The following PATJ variants were observed in gnomAD, a reference collection of about 807,000 sequenced individuals.
PATJ encodes inaD-like protein.
In PATJ, 190 loss-of-function variants were observed where a neutral mutation model predicts 224.9. The observed-to-expected ratio is 0.84, with a 90% confidence interval of 0.75 to 0.95. PATJ has a LOEUF of 0.95. Ranked by LOEUF, PATJ falls within the 40% of genes least tolerant of loss-of-function variation. PATJ has a pLI of 0.00. For synonymous variants in PATJ, 769 were observed against 820.3 expected (o/e 0.94, Z 1.07); for missense variants, 2,121 against 2,270.3 (o/e 0.93, Z 1.34).
chr1:61,828,158 A>C (rs937274613), intron 16 of PATJ, among the ~76,000 whole-genome samples: 2 of 151,362 alleles, frequency 1.3e-5, no homozygotes, highest in African/African-American at 4.9e-5. Flanking sequence ...CAGGAAAATC[A>C]CTTGAAGCCG....
At chr1:62,065,258 G>A (rs551841876) in intron 31 of PATJ, among the ~76,000 whole-genome samples, 2 of 152,228 alleles carry the variant, frequency 1.3e-5, no homozygotes, top group African/African-American at 4.8e-5. Context: ...GGGTAACAGA[G>A]CAAGTAACCT....
At chr1:62,075,810 C>T (rs549728640) in intron 31 of PATJ, among the ~76,000 whole-genome samples, 3 of 151,232 alleles carry the variant, frequency 2.0e-5, no homozygotes, top group South Asian at 2.1e-4. Flanking sequence ...CCCAGCTACT[C>T]GGGAGGCTGA....
At chr1:62,087,217 C>A (rs1265941234) in intron 33 of PATJ, among the ~76,000 whole-genome samples, 2 of 151,888 alleles carry the variant, frequency 1.3e-5, no homozygotes, top group Non-Finnish European at 2.9e-5. Context: ...GAGGGGACAG[C>A]ACAGGCAGAG....
chr1:61,922,465 C>G (rs1001128886), intron 26 of PATJ, among the ~76,000 whole-genome samples: 1 of 152,200 alleles, frequency 6.6e-6, no homozygotes, highest in Admixed American at 6.5e-5. Context: ...CATTATTACT[C>G]TACCTCTATC....
chr1:61,898,083 AC>A (rs1459082555), intron 22 of PATJ, among the ~76,000 whole-genome samples: 3 of 152,108 alleles, frequency 2.0e-5, no homozygotes, highest in Non-Finnish European at 4.4e-5. Context: ...TATAAGACTT[AC>A]TTAAGTTCAG....
At chr1:61,927,608 G>A in intron 26 of PATJ, 122 bp from the exon 27 acceptor site, 1 of 619,938 alleles carries the variant, frequency 1.6e-6, no homozygotes, top group Non-Finnish European at 2.8e-6. Flanking sequence ...CAGTCCTCAT[G>A]ATATGAATGA....
intron 30 of PATJ, among the ~76,000 whole-genome samples, chr1:62,041,835 C>G (rs1293302767): frequency 1.3e-5 from 2 of 152,056 alleles, no homozygotes; most frequent in African/African-American, 4.8e-5. Flanking sequence ...TCGAGACCAT[C>G]CTGGCTAACA....
At chr1:62,092,528 G>A (rs1372238148) in intron 33 of PATJ, among the ~76,000 whole-genome samples, 1 of 148,358 alleles carries the variant, frequency 6.7e-6, no homozygotes, top group African/African-American at 2.5e-5. Context: ...GAGTTCTCCT[G>A]CCTCAGCCTC....
chr1:62,112,977 T>A (rs915795502), intron 34 of PATJ, among the ~76,000 whole-genome samples: 1 of 152,226 alleles, frequency 6.6e-6, no homozygotes, highest in Admixed American at 6.5e-5. Context: ...TGTGCCTCAG[T>A]TTCCTCCTCT....
chr1:61,864,320 A>G lies in PATJ; in HGVS notation c.2522A>G (p.Gln841Arg), dbSNP rs1181945316. The part of the protein sequence containing the change: ...LDLGKSFHSQ[Q>R]KEIEQSKEAW... ...CTGGGAAAGTCTTTCCATTCCCAAC[A>G]AAAAGAGATAGAGCAAAGCAAGGAG... The change falls in exon 20 of 44, where the codon CAA becomes CGA. Residue 841 changes from glutamine to arginine, a missense_variant. By Grantham distance (43) the Gln-to-Arg change is conservative (BLOSUM62 1). Transcript: ENST00000642238. 1 of 1,613,934 alleles carries G rather than the reference A, an allele frequency of 6.2e-7. No individual in the cohort carries two copies. Among genetic ancestry groups the G allele is most frequent in the African/African-American group, 1.3e-5 (1 of 74,940 alleles).
intron 30 of PATJ, among the ~76,000 whole-genome samples, chr1:62,050,045 G>A (rs899547321): frequency 6.6e-6 from 1 of 151,234 alleles, no homozygotes; most frequent in Non-Finnish European, 1.5e-5. Flanking sequence ...GAACCCGGGA[G>A]GCGAAGGTTG....
At chr1:62,029,995 G>A (rs957406358) in intron 29 of PATJ, among the ~76,000 whole-genome samples, 4 of 152,202 alleles carry the variant, frequency 2.6e-5, no homozygotes, top group Non-Finnish European at 5.9e-5. Flanking sequence ...TTTCACAGTT[G>A]AGAGGGAGCA....
At position 61,796,663 on chromosome 1, in the gene PATJ, T is replaced by TTTCTTTCTTTCTTTCTTTCTTTCTTTC. The variant is rs1557660256; in HGVS notation, c.1261-621_1261-595dup. On this transcript the variant is annotated intron_variant, in intron 10 of 43. Transcript: ENST00000642238. ...TATCCTAAGGTCTAAATTTATTTTC[T>TTTCTTTCTTTCTTTCTTTCTTTCTTTC]TTCTTTCTTTCTTTCTTTCTTTCTT... is the stretch of plus-strand genomic sequence containing the variant. Among the ~76,000 whole-genome samples the TTTCTTTCTTTCTTTCTTTCTTTCTTTC allele has an allele frequency of 2.6e-3, 98 of 38,248 alleles. 1 individual carries two copies. Among genetic ancestry groups the TTTCTTTCTTTCTTTCTTTCTTTCTTTC allele is most frequent in the African/African-American group, 6.1e-3 (88 of 14,506 alleles). 25.1% of individuals were successfully genotyped at this position (38,248 alleles called of 152,430 possible).
chr1:61,995,403 A>C (rs577008498), intron 28 of PATJ, among the ~76,000 whole-genome samples: 1 of 152,282 alleles, frequency 6.6e-6, no homozygotes, highest in African/African-American at 2.4e-5. Context: ...TTTGATCTTA[A>C]TTCCTTCAGA....
At chr1:61,971,732 T>C (rs1683002631) in intron 27 of PATJ, among the ~76,000 whole-genome samples, 1 of 149,652 alleles carries the variant, frequency 6.7e-6, no homozygotes, top group South Asian at 2.1e-4. Flanking sequence ...AGTGGCTCAC[T>C]CCTGTAATCC....
chr1:61,878,385 C>A (rs1667628917), intron 21 of PATJ, among the ~76,000 whole-genome samples: 1 of 152,118 alleles, frequency 6.6e-6, no homozygotes, highest in Admixed American at 6.5e-5. Context: ...TTCCGTTAAT[C>A]CCACCTGAGC....
intron 27 of PATJ, among the ~76,000 whole-genome samples, chr1:61,959,416 A>G (rs1434907315): frequency 2.2e-5 from 2 of 91,820 alleles, no homozygotes; most frequent in African/African-American, 7.2e-5. Flanking sequence ...TATATTATAT[A>G]TATAATATAT....
At chr1:61,912,723 G>A in intron 25 of PATJ, among the ~76,000 whole-genome samples, 1 of 136,932 alleles carries the variant, frequency 7.3e-6, no homozygotes. Context: ...GAGAGGAGGG[G>A]AGGGGAGGGA....
intron 30 of PATJ, among the ~76,000 whole-genome samples, chr1:62,045,252 T>C (rs935414000): frequency 1.3e-5 from 2 of 152,094 alleles, no homozygotes; most frequent in African/African-American, 4.8e-5. Flanking sequence ...AAATGTTTTT[T>C]CAATCCACAA....
Sources: allele counts gnomAD v4.1 joint callset (sites outside exome capture counted in the v4.1 genomes callset), GRCh38; gene constraint gnomAD v4.1.1; transcripts MANE v1.5; gene names NCBI Gene and HGNC (gene_info 2026-07-23, HGNC 2026-07-21).